TENM2: variants seen among roughly 807,000 people sequenced by gnomAD.
TENM2 encodes the protein teneurin-2.
In TENM2, 52 loss-of-function variants were observed where a neutral mutation model predicts 245.2. The ratio of observed to expected loss-of-function variants is 0.21; its 90% CI spans 0.17 to 0.27. The LOEUF (loss-of-function observed/expected upper bound fraction) is 0.27, where lower values mean the gene tolerates loss of function less well. TENM2 is among the 10% of genes least tolerant of loss of function. The pLI, the probability that TENM2 is intolerant of heterozygous loss-of-function variation, is 1.00. For missense variants in TENM2, 3,046 were observed against 3,666.8 expected (o/e 0.83, Z 4.37); for synonymous variants, 1,363 against 1,438.9 (o/e 0.95, Z 1.19).
At chr5:167,536,104 G>A (rs573753556) in intron 2 of TENM2, among the ~76,000 whole-genome samples, 1 of 152,122 alleles carries the variant, frequency 6.6e-6, no homozygotes, top group Non-Finnish European at 1.5e-5. Flanking sequence ...TAGTTGAACC[G>A]TATGATCTGA....
chr5:167,150,399 G>A, the TENM2 span, among the ~76,000 whole-genome samples: 89 of 152,272 alleles, frequency 5.8e-4, 1 homozygote, highest in African/African-American at 2.1e-3. Flanking sequence ...GTTATGTGAG[G>A]AGCTTAAATA....
chr5:167,963,115 G>A (rs1208163543), intron 4 of TENM2, among the ~76,000 whole-genome samples: 1 of 152,110 alleles, frequency 6.6e-6, no homozygotes, highest in Non-Finnish European at 1.5e-5. Context: ...ATTTTATAGT[G>A]GAAGAAGCGA....
chr5:167,315,302 G>C (rs908674743), intron 1 of TENM2, among the ~76,000 whole-genome samples: 1 of 152,012 alleles, frequency 6.6e-6, no homozygotes, highest in African/African-American at 2.4e-5. Context: ...AAAATTAGTA[G>C]GTAAGGTGGT....
intron 2 of TENM2, among the ~76,000 whole-genome samples, chr5:167,873,236 T>C (rs1053746872): frequency 6.6e-6 from 1 of 152,254 alleles, no homozygotes; most frequent in Non-Finnish European, 1.5e-5. Flanking sequence ...TGTCGGATGA[T>C]AGCGGCTGTA....
chr5:167,177,162 T>C, the TENM2 span, among the ~76,000 whole-genome samples: 1 of 152,182 alleles, frequency 6.6e-6, no homozygotes, highest in Non-Finnish European at 1.5e-5. Context: ...AAGAGGGCTT[T>C]TTTCCTCCAG....
rs1189191608 is a variant in TENM2, at chr5:167,321,783, TTA to T, written c.226+36722_226+36723del. On this transcript the variant is annotated intron_variant, in intron 1 of 28. Coordinates refer to ENST00000518659, the Ensembl canonical transcript of TENM2. ...GAATCTGTTGTCTTGCTGCCTTGGC[TTA>T]TTTTTTTTTTTTTTTTGGGGGGGGG... Among the ~76,000 whole-genome samples, 67 of 39,916 alleles carry T rather than the reference TTA, an allele frequency of 1.7e-3. 10 individuals are homozygous for T. The highest frequency in any genetic ancestry group is 3.1e-3 in the Non-Finnish European group (60 of 19,222). 26.2% of individuals were successfully genotyped at this position (39,916 alleles called of 152,430 possible).
At position 167,484,346 on chromosome 5, in the gene TENM2, G is replaced by C. The variant is rs190132312; in HGVS notation, c.502+108873G>C. On this transcript the variant is annotated intron_variant, in intron 2 of 28. Transcript: ENST00000518659. ...GATCAAATTACAGTGAGGTCATTAG[G>C]GTGGACCTTAATCTCACTGATGTCT... Among the ~76,000 whole-genome samples, 488 of 152,158 alleles carry C rather than the reference G, an allele frequency of 3.2e-3. 12 individuals carry two copies. The highest frequency in any genetic ancestry group is 0.027 in the Admixed American group (414 of 15,292).
intron 2 of TENM2, among the ~76,000 whole-genome samples, chr5:167,661,112 T>C (rs1755181878): frequency 6.6e-6 from 1 of 152,200 alleles, no homozygotes; most frequent in Non-Finnish European, 1.5e-5. Flanking sequence ...AGCATGTACC[T>C]TATTTACTGT....
chr5:167,519,220 A>T (rs1325470737), intron 2 of TENM2, among the ~76,000 whole-genome samples: 1 of 152,082 alleles, frequency 6.6e-6, no homozygotes, highest in Non-Finnish European at 1.5e-5. Flanking sequence ...TTATCTTCTT[A>T]TCCAGGTTAG....
intron 3 of TENM2, among the ~76,000 whole-genome samples, chr5:167,947,889 A>G (rs1157196631): frequency 2.0e-5 from 3 of 152,036 alleles, no homozygotes; most frequent in African/African-American, 7.3e-5. Flanking sequence ...CATATATTTT[A>G]TCATCATTTC....
chr5:167,944,800 A>T (rs1349729636), intron 3 of TENM2, among the ~76,000 whole-genome samples: 1 of 152,214 alleles, frequency 6.6e-6, no homozygotes, highest in Non-Finnish European at 1.5e-5. Flanking sequence ...TAACACTGAA[A>T]TGTATACTTT....
At chr5:167,661,423 G>T (rs1360274900) in intron 2 of TENM2, among the ~76,000 whole-genome samples, 4 of 152,114 alleles carry the variant, frequency 2.6e-5, no homozygotes, top group Non-Finnish European at 5.9e-5. Context: ...CATTGAAAAA[G>T]TTCACAGCAA....
the TENM2 span, among the ~76,000 whole-genome samples, chr5:167,164,717 C>G: frequency 4.6e-5 from 7 of 152,118 alleles, no homozygotes; most frequent in Admixed American, 1.3e-4. Context: ...ATTTGGGGGA[C>G]TTTGTTATTT....
chr5:167,210,508 C>G, the TENM2 span, among the ~76,000 whole-genome samples: 1 of 137,900 alleles, frequency 7.3e-6, no homozygotes, highest in Admixed American at 7.8e-5. Context: ...CCAGGCCGGA[C>G]TGCGGACTGC....
chr5:167,865,487 C>T lies in TENM2; in HGVS notation c.503-10499C>T, dbSNP rs142364418. On this transcript the variant is annotated intron_variant, in intron 2 of 28. Transcript: ENST00000518659. ...TGGGATTTTGCCATGTTGCCCAGGCCAGTTTCAAACTCCTAGACTCAAGTG... is the reference window on the plus strand; with the variant it reads ...TGGGATTTTGCCATGTTGCCCAGGCTAGTTTCAAACTCCTAGACTCAAGTG... Among the ~76,000 whole-genome samples, 499 of 152,116 alleles carry T rather than the reference C, an allele frequency of 3.3e-3. 2 individuals carry two copies. Among genetic ancestry groups the T allele is most frequent in the African/African-American group, 0.011 (461 of 41,502 alleles).
intron 2 of TENM2, among the ~76,000 whole-genome samples, chr5:167,420,140 G>C (rs1763411091): frequency 6.6e-6 from 1 of 152,240 alleles, no homozygotes. Context: ...GAAGCCAGAT[G>C]CAGGAGTAGT....
At chr5:168,120,386 C>T (rs1795385771) in intron 10 of TENM2, among the ~76,000 whole-genome samples, 1 of 152,216 alleles carries the variant, frequency 6.6e-6, no homozygotes, top group Admixed American at 6.5e-5. Context: ...GGCAAAGCTG[C>T]ATTCGCTGAA....
At chr5:167,057,798 C>T in the TENM2 span, among the ~76,000 whole-genome samples, 1 of 152,118 alleles carries the variant, frequency 6.6e-6, no homozygotes, top group African/African-American at 2.4e-5. Context: ...TCCTCCTTCC[C>T]CTGCCAGAAG....
chr5:167,785,250 A>C (rs1292140614), intron 2 of TENM2, among the ~76,000 whole-genome samples: 1 of 152,192 alleles, frequency 6.6e-6, no homozygotes, highest in Non-Finnish European at 1.5e-5. Flanking sequence ...TAATGTGGTC[A>C]CTGTATTTTC....
Sources: gnomAD v4.1 joint callset for allele counts (sites outside exome capture counted in the v4.1 genomes callset) on GRCh38, gnomAD v4.1.1 for gene constraint, MANE v1.5 for transcripts, NCBI Gene and HGNC (gene_info 2026-07-23, HGNC 2026-07-21) for gene names.